Variants in ASAP1 observed in about 807,000 individuals in gnomAD.
ASAP1 encodes the protein ArfGAP with SH3 domain, ankyrin repeat and PH domain 1.
In ASAP1, 43 loss-of-function variants were observed where a neutral mutation model predicts 145.2. That is an observed-to-expected ratio of 0.30 (90% confidence interval 0.23 to 0.38). The LOEUF is 0.38. ASAP1 is among the 10% of genes least tolerant of loss of function. The pLI is 1.00. For synonymous variants in ASAP1, 546 were observed against 515.5 expected, an observed-to-expected ratio of 1.06 and a Z score of -0.80; for missense variants, 1,018 against 1,355.3, an observed-to-expected ratio of 0.75 and a Z score of 3.91.
At chr8:130,323,396 A>G (rs898081872) in intron 3 of ASAP1, among the ~76,000 whole-genome samples, 6 of 152,232 alleles carry the variant, frequency 3.9e-5, no homozygotes, top group Admixed American at 3.3e-4. Context: ...ATAAGCCTTT[A>G]AAACTGTAAC....
rs2097398478 is a variant in ASAP1 at position 130,054,076 on chromosome 8, C to A, written c.*655G>T. On this transcript the variant is annotated 3_prime_UTR_variant, in exon 30 of 30. Transcript: ENST00000518721. Reference sequence around the variant, plus strand: ...AGGTAATATATCAGGGGCGGGCACTCATAAGACAGTATAAATCCACTTGTC... The same window carrying A: ...AGGTAATATATCAGGGGCGGGCACTAATAAGACAGTATAAATCCACTTGTC... 1 of 152,668 alleles carries A rather than the reference C, an allele frequency of 6.6e-6. No homozygotes were observed. Among genetic ancestry groups the A allele is most frequent in the Non-Finnish European group, 1.5e-5 (1 of 68,076 alleles). 9.5% of individuals were successfully genotyped at this position (152,668 alleles called of 1,614,324 possible).
At chr8:130,121,916 G>C (rs1043847083) in intron 18 of ASAP1, among the ~76,000 whole-genome samples, 1 of 149,616 alleles carries the variant, frequency 6.7e-6, no homozygotes, top group Non-Finnish European at 1.5e-5. Context: ...TGACCTACAC[G>C]ATCTGGCTCC....
intron 10 of ASAP1, among the ~76,000 whole-genome samples, chr8:130,168,087 T>C (rs2097683685): frequency 6.6e-6 from 1 of 152,182 alleles, no homozygotes; most frequent in African/African-American, 2.4e-5. Flanking sequence ...GACTTAACTG[T>C]AACCTGAACC....
intron 3 of ASAP1, among the ~76,000 whole-genome samples, chr8:130,264,102 A>C (rs975878357): frequency 2.6e-5 from 4 of 152,236 alleles, no homozygotes; most frequent in African/African-American, 9.6e-5. Flanking sequence ...ACAGAGAGAC[A>C]CAACACACAT....
chr8:130,276,827 T>A (rs1820941831), intron 3 of ASAP1, among the ~76,000 whole-genome samples: 1 of 144,148 alleles, frequency 6.9e-6, no homozygotes, highest in Non-Finnish European at 1.5e-5. Context: ...AAAGTGTGAG[T>A]CAACAGAAAT....
chr8:130,175,827 G>C (rs762111028), intron 9 of ASAP1, among the ~76,000 whole-genome samples: 1 of 152,156 alleles, frequency 6.6e-6, no homozygotes, highest in Non-Finnish European at 1.5e-5. Context: ...GAAAACACAT[G>C]TAAGGAACTT....
intron 1 of ASAP1, among the ~76,000 whole-genome samples, chr8:130,434,680 CT>C (rs1830248971): frequency 6.6e-6 from 1 of 152,138 alleles, no homozygotes; most frequent in Non-Finnish European, 1.5e-5. Flanking sequence ...ATGAGAACCA[CT>C]GGCCAGAGGA....
intron 1 of ASAP1, among the ~76,000 whole-genome samples, chr8:130,432,988 G>A (rs1036653481): frequency 3.9e-5 from 6 of 152,166 alleles, no homozygotes; most frequent in African/African-American, 7.2e-5. Flanking sequence ...TCGCTCACTC[G>A]CCCCCGCAGT....
intron 3 of ASAP1, among the ~76,000 whole-genome samples, chr8:130,265,865 G>A (rs962049063): frequency 6.6e-6 from 1 of 152,180 alleles, no homozygotes; most frequent in Non-Finnish European, 1.5e-5. Context: ...CTGGGCGAAA[G>A]TGAAACTGTC....
At chr8:130,344,979 G>C (rs985193817) in intron 3 of ASAP1, among the ~76,000 whole-genome samples, 2 of 152,124 alleles carry the variant, frequency 1.3e-5, no homozygotes, top group Non-Finnish European at 2.9e-5. Flanking sequence ...CTCCAGCATA[G>C]GTCTGTCTCT....
intron 3 of ASAP1, among the ~76,000 whole-genome samples, chr8:130,261,903 C>T (rs988939232): frequency 6.6e-6 from 1 of 151,914 alleles, no homozygotes; most frequent in Non-Finnish European, 1.5e-5. Flanking sequence ...AGCTACTTCA[C>T]AATTCCTACA....
At chr8:130,185,229 C>T (rs1032905562) in intron 7 of ASAP1, among the ~76,000 whole-genome samples, 1 of 152,172 alleles carries the variant, frequency 6.6e-6, no homozygotes, top group African/African-American at 2.4e-5. Flanking sequence ...AGCAAACAAA[C>T]AAAACCTGCC....
intron 2 of ASAP1, among the ~76,000 whole-genome samples, chr8:130,359,205 A>G (rs969976882): frequency 6.6e-6 from 1 of 151,474 alleles, no homozygotes; most frequent in Non-Finnish European, 1.5e-5. Context: ...CTAATCTTTC[A>G]TTTGCACTTT....
intron 3 of ASAP1, among the ~76,000 whole-genome samples, chr8:130,295,682 A>G (rs531358130): frequency 8.9e-4 from 135 of 152,296 alleles, no homozygotes; most frequent in African/African-American, 3.0e-3. Context: ...CTGCAACTGT[A>G]TGATGTGCAT....
intron 4 of ASAP1, among the ~76,000 whole-genome samples, chr8:130,230,057 C>T (rs1488728091): frequency 1.6e-5 from 2 of 124,538 alleles, no homozygotes; most frequent in Non-Finnish European, 3.3e-5. Context: ...CAGTGAGATC[C>T]TGTCTCCAAA....
intron 11 of ASAP1, among the ~76,000 whole-genome samples, chr8:130,160,451 AATT>A (rs2097666782): frequency 6.6e-6 from 1 of 152,228 alleles, no homozygotes; most frequent in Admixed American, 6.5e-5. Flanking sequence ...AGGTTTTAAC[AATT>A]ATTATGTCTC....
intron 24 of ASAP1, among the ~76,000 whole-genome samples, chr8:130,103,479 C>A (rs1316979995): frequency 1.3e-5 from 2 of 151,896 alleles, no homozygotes; most frequent in Non-Finnish European, 2.9e-5. Context: ...CCTTGAGGTG[C>A]ACCATTAGGT....
intron 3 of ASAP1, among the ~76,000 whole-genome samples, chr8:130,321,041 A>G (rs553840448): frequency 1.3e-5 from 2 of 152,318 alleles, no homozygotes; most frequent in South Asian, 4.1e-4. Context: ...CTGGCTGAGG[A>G]AACCTAAGGA....
At chr8:130,252,060 A>G (rs1819231222) in intron 3 of ASAP1, among the ~76,000 whole-genome samples, 1 of 152,180 alleles carries the variant, frequency 6.6e-6, no homozygotes, top group Non-Finnish European at 1.5e-5. Context: ...CTAAATCATC[A>G]TTAGCAGTGT....
Sources: allele counts gnomAD v4.1 joint callset (sites outside exome capture counted in the v4.1 genomes callset), GRCh38; gene constraint gnomAD v4.1.1; transcripts MANE v1.5; gene names NCBI Gene and HGNC (gene_info 2026-07-23, HGNC 2026-07-21).